TENM2: variants seen among roughly 807,000 people sequenced by gnomAD.
TENM2 encodes the protein teneurin-2.
In TENM2, 52 loss-of-function variants were observed where a neutral mutation model predicts 245.2. The observed-to-expected ratio is 0.21, with a 90% confidence interval of 0.17 to 0.27. TENM2 has a LOEUF of 0.27. Ranked by LOEUF, TENM2 falls within the 10% of genes least tolerant of loss-of-function variation. The probability of loss-of-function intolerance (pLI) is 1.00; values close to 1 mark genes in which losing one functional copy is unlikely to be tolerated. For missense variants in TENM2, 3,046 were observed against 3,666.8 expected (o/e 0.83, Z 4.37); for synonymous variants, 1,363 against 1,438.9 (o/e 0.95, Z 1.19).
At chr5:167,806,143 G>T (rs1057175292) in intron 2 of TENM2, among the ~76,000 whole-genome samples, 1 of 152,134 alleles carries the variant, frequency 6.6e-6, no homozygotes, top group Admixed American at 6.6e-5. Flanking sequence ...GAGTCACCTA[G>T]TGTCTCCACA....
intron 4 of TENM2, among the ~76,000 whole-genome samples, chr5:167,971,137 C>A (rs1781744516): frequency 6.6e-6 from 1 of 151,610 alleles, no homozygotes; most frequent in Admixed American, 6.6e-5. Context: ...AGAGCTTACC[C>A]CAAATAGCTA....
chr5:167,553,291 G>A (rs572277405), intron 2 of TENM2, among the ~76,000 whole-genome samples: 96 of 152,336 alleles, frequency 6.3e-4, no homozygotes, highest in South Asian at 1.2e-3. Flanking sequence ...GCAGGTCAGT[G>A]TGTCAGGAAC....
the TENM2 span, among the ~76,000 whole-genome samples, chr5:167,187,097 C>G: frequency 6.6e-6 from 1 of 152,198 alleles, no homozygotes; most frequent in Non-Finnish European, 1.5e-5. Context: ...AGAGATGCTA[C>G]TCTAGTTTCA....
At chr5:168,227,705 C>T (rs868820505) in intron 24 of TENM2, among the ~76,000 whole-genome samples, 190 bp from the exon 27 acceptor site, 2 of 151,938 alleles carry the variant, frequency 1.3e-5, no homozygotes, top group Admixed American at 6.6e-5. Context: ...TTTTTCTTTA[C>T]GTGGATCAGT....
intron 2 of TENM2, among the ~76,000 whole-genome samples, chr5:167,776,593 GAAAAAAAAAAAAAAAAA>G (rs869252752): frequency 5.6e-5 from 2 of 36,026 alleles, no homozygotes; most frequent in Admixed American, 4.1e-4. Flanking sequence ...GACCCTGTCT[GAAAAAAAAAAAAAAAAA>G]AAAAAAAAAA....
chr5:167,773,858 C>T (rs1476133421), intron 2 of TENM2, among the ~76,000 whole-genome samples: 1 of 151,992 alleles, frequency 6.6e-6, no homozygotes, highest in African/African-American at 2.4e-5. Context: ...GTTGTGGCGG[C>T]CATATTTTAC....
At chr5:167,288,029 C>T (rs906568034) in intron 1 of TENM2, among the ~76,000 whole-genome samples, 4 of 152,214 alleles carry the variant, frequency 2.6e-5, no homozygotes, top group African/African-American at 9.6e-5. Flanking sequence ...GAAGGTCGGC[C>T]AAGTTCCCAG....
chr5:167,716,713 A>T (rs1759282599), intron 2 of TENM2, among the ~76,000 whole-genome samples: 1 of 152,164 alleles, frequency 6.6e-6, no homozygotes, highest in East Asian at 1.9e-4. Context: ...ATGAATACTA[A>T]GCAGTGGTAT....
chr5:167,683,263 C>T (rs114995790), intron 2 of TENM2, among the ~76,000 whole-genome samples: 16,181 of 148,810 alleles, frequency 0.11, 1,334 homozygotes, highest in East Asian at 0.4. Flanking sequence ...TTTTTTTTCC[C>T]CCCCTGGGCA....
intron 2 of TENM2, among the ~76,000 whole-genome samples, chr5:167,448,743 A>G (rs561848122): frequency 9.2e-5 from 14 of 152,078 alleles, no homozygotes; most frequent in African/African-American, 3.1e-4. Flanking sequence ...ATGCTCAAAT[A>G]AATAGGAACT....
intron 13 of TENM2, chr5:168,165,281 G>A (rs944713122): frequency 2.6e-5 from 4 of 152,002 alleles, no homozygotes; most frequent in African/African-American, 7.3e-5. Flanking sequence ...CACGACTTTT[G>A]CTGGTAAGGT....
intron 2 of TENM2, among the ~76,000 whole-genome samples, chr5:167,538,825 G>A (rs944062449): frequency 1.3e-5 from 2 of 152,164 alleles, no homozygotes; most frequent in African/African-American, 2.4e-5. Flanking sequence ...TAGTGCATGT[G>A]CCTAATTTTA....
chr5:168,228,196 G>C (rs1382055955), intron 25 of TENM2, 66 bp downstream of exon 27: 2 of 1,334,918 alleles, frequency 1.5e-6, no homozygotes, highest in Non-Finnish European at 2.1e-6. Flanking sequence ...TCACAGAGCT[G>C]AGAAAGTTTC....
chr5:167,031,021 T>A, the TENM2 span, among the ~76,000 whole-genome samples: 2 of 152,188 alleles, frequency 1.3e-5, no homozygotes, highest in African/African-American at 2.4e-5. Flanking sequence ...TCTCTGGCAA[T>A]TTGATTCAGT....
At chr5:168,114,205 C>T (rs1794891732) in intron 9 of TENM2, among the ~76,000 whole-genome samples, 1 of 152,170 alleles carries the variant, frequency 6.6e-6, no homozygotes, top group Non-Finnish European at 1.5e-5. Context: ...TCCATCAATG[C>T]TGAAAGGCCA....
intron 2 of TENM2, among the ~76,000 whole-genome samples, chr5:167,764,120 C>T (rs562068568): frequency 2.0e-5 from 3 of 152,096 alleles, no homozygotes; most frequent in Non-Finnish European, 4.4e-5. Context: ...CTTAACATTC[C>T]AGCTGTGACA....
At chr5:167,336,200 TC>T (rs1434933430) in intron 1 of TENM2, among the ~76,000 whole-genome samples, 1 of 147,838 alleles carries the variant, frequency 6.8e-6, no homozygotes, top group African/African-American at 2.5e-5. Context: ...TTTTTTTTTT[TC>T]CGGTCAGGGT....
chr5:167,043,895 C>T, the TENM2 span, among the ~76,000 whole-genome samples: 4 of 152,058 alleles, frequency 2.6e-5, no homozygotes, highest in South Asian at 8.3e-4. Flanking sequence ...TGGCACACAC[C>T]TGTAGTCCCA....
In TENM2 at chr5:167,994,152, T is replaced by C. The variant is rs371889221; in HGVS notation, c.1186+970T>C. ...AAAGTTTATTTGAAACACTTGATGCTTGTGGCTTGGTTTCAGGGCAGCTAT... is the reference window on the plus strand; with the variant it reads ...AAAGTTTATTTGAAACACTTGATGCCTGTGGCTTGGTTTCAGGGCAGCTAT... On this transcript the variant is annotated intron_variant, in intron 5 of 28. Coordinates refer to ENST00000518659, the Ensembl canonical transcript of TENM2. 1.1e-3 allele frequency among the ~76,000 whole-genome samples: 161 copies of C among 152,390 alleles called. 3 individuals carry two copies. In the South Asian group the frequency reaches 0.03, roughly 29 times the overall value.
Sources: allele counts gnomAD v4.1 joint callset (sites outside exome capture counted in the v4.1 genomes callset), GRCh38; gene constraint gnomAD v4.1.1; transcripts MANE v1.5; gene names NCBI Gene and HGNC (gene_info 2026-07-23, HGNC 2026-07-21).